Variants in PHF12 observed in about 807,000 individuals in gnomAD.
PHF12 encodes PHD factor 1.
In PHF12, 6 loss-of-function variants were observed where a neutral mutation model predicts 99.8. That is an observed-to-expected ratio of 0.06 (90% CI 0.03 to 0.12). PHF12 has a LOEUF of 0.12. PHF12 is among the 10% of genes least tolerant of loss of function. The probability of loss-of-function intolerance (pLI) is 1.00; values close to 1 mark genes in which losing one functional copy is unlikely to be tolerated. For synonymous variants in PHF12, 480 were observed against 514.9 expected (o/e 0.93, Z 0.92); for missense variants, 954 against 1,300.1 (o/e 0.73, Z 4.09).
chr17:28,947,887 C>CAA (rs5819857), intron 2 of PHF12, among the ~76,000 whole-genome samples: 7,860 of 142,468 alleles, frequency 0.055, 194 homozygotes, highest in Non-Finnish European at 0.065. Flanking sequence ...TTCAATGCCT[C>CAA]AAAAAAAAAA....
chr17:28,906,696 G>T lies in PHF12; in HGVS notation c.2680+160C>A. On this transcript the variant is annotated intron_variant, in intron 14 of 14. Transcript: ENST00000332830. The surrounding 1 kb of genome is among the most constrained non-coding windows in gnomAD (Gnocchi z 4.2). ...CCCACAGGTGTGTACACACATGGGGGTACTCAGCACTTGCTTCTCTGTGGC... is the reference window on the plus strand; with the variant it reads ...CCCACAGGTGTGTACACACATGGGGTTACTCAGCACTTGCTTCTCTGTGGC... 1 of 1,236,246 alleles carries T rather than the reference G, an allele frequency of 8.1e-7. No individual in the cohort carries two copies. The highest frequency in any genetic ancestry group is 1.1e-6 in the Non-Finnish European group (1 of 897,728). 76.6% of individuals were successfully genotyped at this position (1,236,246 alleles called of 1,614,324 possible). A position where few individuals can be genotyped will look rare whatever the true frequency, so the allele number is the denominator to read the frequency against.
At chr17:28,937,803 C>G (rs1338688474) in intron 2 of PHF12, among the ~76,000 whole-genome samples, 1 of 152,202 alleles carries the variant, frequency 6.6e-6, no homozygotes, top group African/African-American at 2.4e-5. Flanking sequence ...TTTGGCTATT[C>G]TTGCAATTCT....
intron 6 of PHF12, among the ~76,000 whole-genome samples, chr17:28,917,869 T>C (rs2040090703): frequency 1.3e-5 from 2 of 152,050 alleles, no homozygotes; most frequent in South Asian, 2.1e-4. Context: ...CTCTCTCTAA[T>C]AGGAAAAGCA....
chr17:28,913,322 G>A (rs1259655970), intron 8 of PHF12, 45 bp from the exon 9 acceptor site: 8 of 1,557,514 alleles, frequency 5.1e-6, no homozygotes, highest in East Asian at 2.2e-5. Flanking sequence ...CCTGAGAGGC[G>A]CCGGTCCTTC....
chr17:28,923,676 G>GAAAAAAAAAAA (rs2040211188), intron 4 of PHF12, among the ~76,000 whole-genome samples: 1 of 72,762 alleles, frequency 1.4e-5, no homozygotes, highest in Non-Finnish European at 2.7e-5. Flanking sequence ...AAAAAAAAAA[G>GAAAAAAAAAAA]GAAAAAGATA....
In PHF12 at chr17:28,913,909, C is replaced by T. The variant is rs1598123088; in HGVS notation, c.1263G>A (p.Glu421=). 6.2e-7 allele frequency: 1 copy of T among 1,611,742 alleles called. No individual in the cohort carries two copies. The highest frequency in any genetic ancestry group is 8.5e-7 in the Non-Finnish European group (1 of 1,178,242). ...EESQMHLLNS[E]HLATQAEQQE... Reference sequence around the variant, plus strand: ...GCTGCTCTGCTTGGGTGGCTAAGTGCTCAGAGTTCAAAAGGTGCATCTGTG... The same window carrying T: ...GCTGCTCTGCTTGGGTGGCTAAGTGTTCAGAGTTCAAAAGGTGCATCTGTG... Residue 421 remains glutamate, a synonymous_variant, in exon 8 of 15, where the codon GAG becomes GAA. Transcript: ENST00000332830.
At chr17:28,940,899 C>T (rs1346600828) in intron 2 of PHF12, among the ~76,000 whole-genome samples, 3 of 152,110 alleles carry the variant, frequency 2.0e-5, no homozygotes, top group African/African-American at 7.2e-5. Flanking sequence ...GTGCTCCTGT[C>T]CTGTATTCTC....
At chr17:28,937,303 T>C (rs2040528136) in intron 2 of PHF12, among the ~76,000 whole-genome samples, 1 of 152,164 alleles carries the variant, frequency 6.6e-6, no homozygotes, top group African/African-American at 2.4e-5. Flanking sequence ...TGCAGGAAGA[T>C]AGCTATATTG....
intron 2 of PHF12, among the ~76,000 whole-genome samples, chr17:28,938,299 C>G (rs983265822): frequency 1.3e-5 from 2 of 152,192 alleles, no homozygotes; most frequent in African/African-American, 4.8e-5. Flanking sequence ...GGCACCATCT[C>G]AGCTCACTGC....
At chr17:28,926,472 CAA>C in intron 3 of PHF12, 1 of 248,938 alleles carries the variant, frequency 4.0e-6, no homozygotes, top group Non-Finnish European at 8.1e-6. Flanking sequence ...CAAGAGTTCT[CAA>C]AGTAGAAAAT....
chr17:28,930,715 G>A (rs1243990958), intron 2 of PHF12, among the ~76,000 whole-genome samples: 1 of 152,150 alleles, frequency 6.6e-6, no homozygotes, highest in Non-Finnish European at 1.5e-5. Context: ...TGTATTAAGA[G>A]GCTCTCAGAA....
rs766291074 is a variant in PHF12, at chr17:28,906,207, C to T, written c.2991G>A (p.Val997=). 4 of 1,605,008 alleles carry T rather than the reference C, an allele frequency of 2.5e-6. No homozygotes were observed. Among genetic ancestry groups the T allele is most frequent in the Non-Finnish European group, 1.7e-6 (2 of 1,173,684 alleles). ...KLSLKPHQGP[V]LRSNSVP ...CCTAAGGAACAGAGTTGGAGCGCAG[C>T]ACAGGGCCCTGGTGGGGCTTGAGAG... is the stretch of plus-strand genomic sequence containing the variant. Residue 997 remains valine, a synonymous_variant, in exon 15 of 15, where the codon GTG becomes GTA. Transcript: ENST00000332830. This position sits in a 1 kb window ranked among gnomAD's most constrained non-coding sequence, Gnocchi z 4.2.
chr17:28,936,046 A>C (rs2040502968), intron 2 of PHF12, among the ~76,000 whole-genome samples: 1 of 152,232 alleles, frequency 6.6e-6, no homozygotes, highest in Non-Finnish European at 1.5e-5. Context: ...TTCACTAATA[A>C]GGCTGCAGCT....
intron 4 of PHF12, among the ~76,000 whole-genome samples, chr17:28,922,234 G>T (rs1485609784): frequency 1.3e-5 from 2 of 152,200 alleles, no homozygotes; most frequent in Non-Finnish European, 2.9e-5. Context: ...GACTACAGGT[G>T]TGGGCCATCA....
At chr17:28,946,193 A>T (rs1408717784) in intron 2 of PHF12, among the ~76,000 whole-genome samples, 1 of 152,240 alleles carries the variant, frequency 6.6e-6, no homozygotes, top group Non-Finnish European at 1.5e-5. Context: ...GGACAGGTTT[A>T]GTAACCCCTA....
chr17:28,943,487 G>A (rs902165480), intron 2 of PHF12, among the ~76,000 whole-genome samples: 2 of 151,962 alleles, frequency 1.3e-5, no homozygotes, highest in African/African-American at 4.8e-5. Context: ...AAAATTAGTC[G>A]GGCGTGGTGG....
At chr17:28,935,021 C>A (rs1005266998) in intron 2 of PHF12, among the ~76,000 whole-genome samples, 1 of 152,242 alleles carries the variant, frequency 6.6e-6, no homozygotes, top group Non-Finnish European at 1.5e-5. Flanking sequence ...TTTTAGCCAA[C>A]AAGCCAAGGA....
At position 28,917,432 on chromosome 17, in the gene PHF12, C is replaced by A; in HGVS notation, c.987G>T (p.Met329Ile). The A allele has an allele frequency of 6.2e-7, 1 of 1,610,646 alleles. No homozygotes were observed. The highest frequency in any genetic ancestry group is 8.5e-7 in the Non-Finnish European group (1 of 1,177,892). ...ACACCTGGCACCGATTGCTCAGTGTCATATTCTTCTGGTTCAGCTAGGGAC... is the reference window on the plus strand; with the variant it reads ...ACACCTGGCACCGATTGCTCAGTGTAATATTCTTCTGGTTCAGCTAGGGAC... The part of the protein sequence containing the change: ...IEHVVLNQKN[M>I]TLSNRCQVFD... Residue 329 changes from methionine to isoleucine, a missense_variant, in exon 7 of 15, where the codon ATG (methionine) becomes ATT (isoleucine). Coordinates refer to ENST00000332830, the MANE Select transcript of PHF12 (RefSeq NM_001033561.2).
chr17:28,935,660 A>T lies in PHF12; in HGVS notation c.249-8597T>A, dbSNP rs2040495543. On this transcript the variant is annotated intron_variant, in intron 2 of 14. Coordinates refer to ENST00000332830, the MANE Select transcript of PHF12 (RefSeq NM_001033561.2). The stretch of plus-strand genomic sequence containing the variant: ...TAACAGTAAAGCCCTAAATCTTCAG[A>T]GACTGTACATTCAATTGGAGGGTAT... Among the ~76,000 whole-genome samples, 5 of 152,196 alleles carry T rather than the reference A, an allele frequency of 3.3e-5. No individual in the cohort carries two copies. The South Asian group carries it at 1.0e-3, about 32-fold the overall frequency.
Sources: gnomAD v4.1 joint callset for allele counts (sites outside exome capture counted in the v4.1 genomes callset) on GRCh38, gnomAD v4.1.1 for gene constraint, Gnocchi (gnomAD v3.1) non-coding constraint, MANE v1.5 for transcripts, NCBI Gene and HGNC (gene_info 2026-07-23, HGNC 2026-07-21) for gene names.